METTL24: variants seen among roughly 807,000 people sequenced by gnomAD.
METTL24 encodes methyltransferase like 24.
A neutral mutation model predicts 32.7 loss-of-function variants in METTL24; 29 were observed. The observed-to-expected ratio is 0.89, with a 90% CI of 0.66 to 1.21. METTL24 has a LOEUF of 1.21. METTL24 is among the 50% of genes most tolerant of loss of function. METTL24 has a pLI of 0.00. For synonymous variants in METTL24, 163 were observed against 179.5 expected, an observed-to-expected ratio of 0.91 and a Z score of 0.73; for missense variants, 439 against 468.1, an observed-to-expected ratio of 0.94 and a Z score of 0.57.
chr6:110,335,922 C>T (rs1481079889), intron 1 of METTL24, among the ~76,000 whole-genome samples: 1 of 152,170 alleles, frequency 6.6e-6, no homozygotes, highest in East Asian at 1.9e-4. Context: ...GCCTCCAACC[C>T]AGGTCTGAGT....
At chr6:110,264,959 C>G (rs1770824515) in intron 4 of METTL24, among the ~76,000 whole-genome samples, 1 of 151,842 alleles carries the variant, frequency 6.6e-6, no homozygotes, top group South Asian at 2.1e-4. Context: ...ACATCACACA[C>G]TGGGGCCTGT....
chr6:110,276,615 C>A (rs1356481433), intron 4 of METTL24, among the ~76,000 whole-genome samples: 1 of 152,160 alleles, frequency 6.6e-6, no homozygotes, highest in Non-Finnish European at 1.5e-5. Context: ...TTTCAGAAGT[C>A]CCTTGGACTT....
chr6:110,296,607 T>G (rs1445186239), intron 4 of METTL24, among the ~76,000 whole-genome samples: 5 of 152,220 alleles, frequency 3.3e-5, no homozygotes, highest in African/African-American at 9.6e-5. Context: ...TATTTTTTCT[T>G]GAGTGGCTGG....
In METTL24 at chr6:110,303,188, G is replaced by A. The variant is rs190017423; in HGVS notation, c.558-4038C>T. Among the ~76,000 whole-genome samples the A allele has an allele frequency of 8.4e-4, 128 of 152,216 alleles. 1 individual carries two copies. The highest frequency in any genetic ancestry group is 3.0e-3 in the African/African-American group (125 of 41,518). On this transcript the variant is annotated intron_variant, in intron 3 of 4. Transcript: ENST00000338882. Reference sequence around the variant, plus strand: ...CCCACAGACCAGGAGATTCCCTCGGGTGCCTACACCACCAGAGCCCTGGGT... The same window carrying A: ...CCCACAGACCAGGAGATTCCCTCGGATGCCTACACCACCAGAGCCCTGGGT...
Position 110,358,257 on chromosome 6 carries a change from G to A in METTL24, c.16C>T (p.Pro6Ser). The A allele has an allele frequency of 1.4e-6, 2 of 1,480,512 alleles. No homozygotes were observed. Among genetic ancestry groups the A allele is most frequent in the Non-Finnish European group, 1.8e-6 (2 of 1,122,374 alleles). 91.7% of individuals were successfully genotyped at this position (1,480,512 alleles called of 1,614,324 possible). A position where few individuals can be genotyped will look rare whatever the true frequency, so the allele number is the denominator to read the frequency against. Residue 6 changes from proline to serine, a missense_variant, in exon 1 of 5, where the codon CCG becomes TCG. Physicochemically the swap from Pro to Ser is moderately conservative, Grantham distance 74. Coordinates refer to ENST00000338882, the MANE Select transcript of METTL24 (RefSeq NM_001123364.3). ...AGGACGCCGCAGCCCCTCCCGGGCG[G>A]CCTCTCCCGGGCCATGGCGCTACAC... MARER[P>S]PGRGCGVLRR...
intron 1 of METTL24, among the ~76,000 whole-genome samples, chr6:110,347,778 T>C (rs1450592471): frequency 2.0e-5 from 3 of 152,118 alleles, no homozygotes; most frequent in African/African-American, 7.3e-5. Flanking sequence ...TAAAAGATAT[T>C]TGTAATTAGC....
chr6:110,351,207 A>G (rs1562246700), intron 1 of METTL24, among the ~76,000 whole-genome samples: 1 of 152,212 alleles, frequency 6.6e-6, no homozygotes, highest in Non-Finnish European at 1.5e-5. Flanking sequence ...TCTCTAAAAA[A>G]ATAAACAAAT....
At chr6:110,349,327 T>C (rs141767345) in intron 1 of METTL24, among the ~76,000 whole-genome samples, 6 of 152,248 alleles carry the variant, frequency 3.9e-5, no homozygotes, top group Non-Finnish European at 5.9e-5. Context: ...CATGCAAAGA[T>C]CCTCCAGAGC....
chr6:110,325,416 G>C (rs961912908), intron 1 of METTL24, among the ~76,000 whole-genome samples: 2 of 152,164 alleles, frequency 1.3e-5, no homozygotes, highest in Admixed American at 6.6e-5. Flanking sequence ...TTCCAATAAA[G>C]CTCCATTTAC....
intron 4 of METTL24, among the ~76,000 whole-genome samples, chr6:110,287,637 G>A (rs1771248218): frequency 6.6e-6 from 1 of 152,196 alleles, no homozygotes; most frequent in South Asian, 2.1e-4. Context: ...TAAGGTCTCT[G>A]GACGTTCAAG....
intron 2 of METTL24, among the ~76,000 whole-genome samples, chr6:110,318,486 A>T (rs752442524): frequency 6.7e-6 from 1 of 149,530 alleles, no homozygotes; most frequent in African/African-American, 2.5e-5. Flanking sequence ...CGCCTTTACT[A>T]AAAAAAAACA....
chr6:110,311,964 A>G (rs970768526), intron 3 of METTL24, among the ~76,000 whole-genome samples: 1 of 152,162 alleles, frequency 6.6e-6, no homozygotes, highest in Admixed American at 6.5e-5. Context: ...TGATGGATAA[A>G]TAATTTGCAA....
chr6:110,322,816 A>C lies in METTL24; in HGVS notation c.375T>G (p.Asp125Glu), dbSNP rs777131274. The change falls in exon 2 of 5, where the codon GAT (aspartate) becomes GAG (glutamate). Residue 125 changes from aspartate (D) to glutamate (E), a missense_variant. Coordinates refer to ENST00000338882, the MANE Select transcript of METTL24 (RefSeq NM_001123364.3). ...ATCTCAGGAACCTCCAGGCTTCTTCATCCAGGGACTGAGCAGAGCCTGCCC... is the reference window on the plus strand; with the variant it reads ...ATCTCAGGAACCTCCAGGCTTCTTCCTCCAGGGACTGAGCAGAGCCTGCCC... ...QPWAGSAQSLDEEAWRFLRYI... is the reference protein window; with the variant it reads ...QPWAGSAQSLEEEAWRFLRYI... The C allele has an allele frequency of 1.2e-6, 2 of 1,613,876 alleles. No homozygotes were observed. The highest frequency in any genetic ancestry group is 2.7e-5 in the African/African-American group (2 of 74,914).
At chr6:110,279,925 G>A (rs550920044) in intron 4 of METTL24, among the ~76,000 whole-genome samples, 1 of 152,128 alleles carries the variant, frequency 6.6e-6, no homozygotes, top group Non-Finnish European at 1.5e-5. Flanking sequence ...CATCTGCTTG[G>A]CTTCTGGTAA....
intron 3 of METTL24, among the ~76,000 whole-genome samples, chr6:110,306,678 TA>T (rs1409864234): frequency 6.6e-6 from 1 of 152,242 alleles, no homozygotes; most frequent in Non-Finnish European, 1.5e-5. Flanking sequence ...ATAAAATTCT[TA>T]CTTTCATTTA....
At chr6:110,307,126 C>T (rs567357895) in intron 3 of METTL24, among the ~76,000 whole-genome samples, 1 of 152,244 alleles carries the variant, frequency 6.6e-6, no homozygotes, top group South Asian at 2.1e-4. Flanking sequence ...CCAAATGTTG[C>T]CTGTGGTAAG....
At chr6:110,319,284 G>A (rs1224293291) in intron 2 of METTL24, among the ~76,000 whole-genome samples, 1 of 152,076 alleles carries the variant, frequency 6.6e-6, no homozygotes, top group Admixed American at 6.5e-5. Flanking sequence ...GTGTGTGTGT[G>A]TGTGTGTGTG....
chr6:110,293,245 G>A (rs1410022810), intron 4 of METTL24, among the ~76,000 whole-genome samples: 1 of 152,002 alleles, frequency 6.6e-6, no homozygotes, highest in South Asian at 2.1e-4. Flanking sequence ...CTTTGAATTC[G>A]TTCAAGTTTT....
intron 2 of METTL24, among the ~76,000 whole-genome samples, chr6:110,318,151 T>C (rs1238413759): frequency 6.6e-6 from 1 of 152,160 alleles, no homozygotes; most frequent in Non-Finnish European, 1.5e-5. Context: ...AGATCCGCAG[T>C]GAGGGCTTTC....
Sources: gnomAD v4.1 joint callset for allele counts (sites outside exome capture counted in the v4.1 genomes callset) on GRCh38, gnomAD v4.1.1 for gene constraint, MANE v1.5 for transcripts, NCBI Gene and HGNC (gene_info 2026-07-23, HGNC 2026-07-21) for gene names.